Variants in KCNK2 observed in about 807,000 individuals in gnomAD.
KCNK2 encodes the protein potassium channel subfamily K member 2.
A neutral mutation model predicts 40.5 loss-of-function variants in KCNK2; 21 were observed. The observed-to-expected ratio is 0.52, with a 90% confidence interval of 0.37 to 0.75. The LOEUF is 0.75. KCNK2 is among the 30% of genes least tolerant of loss of function. KCNK2 has a pLI of 0.00. For missense variants in KCNK2, 399 were observed against 531.6 expected (o/e 0.75, Z 2.45); for synonymous variants, 191 against 202.2 (o/e 0.94, Z 0.47).
chr1:215,042,731 A>G (rs1169558332), intron 1 of KCNK2, among the ~76,000 whole-genome samples: 1 of 152,176 alleles, frequency 6.6e-6, no homozygotes, highest in Non-Finnish European at 1.5e-5. Context: ...CTCTCATTTT[A>G]TAAACCTCTT....
chr1:215,038,606 G>A (rs370897408), intron 1 of KCNK2, among the ~76,000 whole-genome samples: 28 of 152,024 alleles, frequency 1.8e-4, no homozygotes, highest in Non-Finnish European at 3.4e-4. Context: ...ATCTAATTTT[G>A]TTCCCAATGA....
intron 2 of KCNK2, among the ~76,000 whole-genome samples, chr1:215,090,058 T>A (rs1659628096): frequency 6.6e-6 from 1 of 152,080 alleles, no homozygotes; most frequent in Non-Finnish European, 1.5e-5. Context: ...ACTCCCGACC[T>A]CAGGTGATCC....
intron 5 of KCNK2, among the ~76,000 whole-genome samples, chr1:215,179,656 A>G (rs1350332875): frequency 6.6e-6 from 1 of 152,010 alleles, no homozygotes; most frequent in East Asian, 1.9e-4. Flanking sequence ...TAATTTCTGT[A>G]TAATTGTGTG....
At chr1:215,127,036 T>C (rs182434267) in intron 3 of KCNK2, among the ~76,000 whole-genome samples, 52 of 152,332 alleles carry the variant, frequency 3.4e-4, no homozygotes, top group African/African-American at 1.3e-3. Flanking sequence ...TTAATAATAT[T>C]GCTAATGATA....
chr1:215,116,007 A>G (rs1382088697), intron 2 of KCNK2, among the ~76,000 whole-genome samples: 9 of 151,710 alleles, frequency 5.9e-5, no homozygotes, highest in Non-Finnish European at 1.3e-4. Context: ...TTGAGGCTCA[A>G]AGGAAAAAGA....
intron 1 of KCNK2, among the ~76,000 whole-genome samples, chr1:215,048,997 T>C (rs1359919800): frequency 3.3e-5 from 5 of 152,202 alleles, no homozygotes; most frequent in Non-Finnish European, 4.4e-5. Flanking sequence ...CATGTAAGTT[T>C]TCATTTCCTT....
At chr1:215,073,449 G>A (rs1658825033) in intron 1 of KCNK2, among the ~76,000 whole-genome samples, 1 of 152,176 alleles carries the variant, frequency 6.6e-6, no homozygotes, top group African/African-American at 2.4e-5. Flanking sequence ...CTTGTTTGGA[G>A]GTTAGGGGAG....
At chr1:215,232,737 A>G in intron 6 of KCNK2, among the ~76,000 whole-genome samples, 1 of 152,196 alleles carries the variant, frequency 6.6e-6, no homozygotes, top group East Asian at 1.9e-4. Flanking sequence ...TTACCAAAGT[A>G]AAGTGGTGGC....
chr1:215,209,504 A>AAT (rs1181404065), intron 6 of KCNK2, among the ~76,000 whole-genome samples: 1 of 2,822 alleles, frequency 3.5e-4, no homozygotes, highest in Non-Finnish European at 6.3e-4. Context: ...TATAATATAT[A>AAT]ATATATATAA....
At chr1:215,122,881 A>C (rs972083024) in intron 2 of KCNK2, among the ~76,000 whole-genome samples, 1 of 150,910 alleles carries the variant, frequency 6.6e-6, no homozygotes, top group African/African-American at 2.4e-5. Context: ...AGTAGCTGGG[A>C]CTACAGGCGC....
chr1:215,166,978 T>G (rs1663475527), intron 3 of KCNK2, among the ~76,000 whole-genome samples: 1 of 151,880 alleles, frequency 6.6e-6, no homozygotes, highest in African/African-American at 2.4e-5. Flanking sequence ...AAAAAAAAAG[T>G]CAAAGTTCTT....
At position 215,083,106 on chromosome 1, in the gene KCNK2, G is replaced by A. The variant is rs1441493470; in HGVS notation, c.-280G>A. The A allele has an allele frequency of 1.0e-4, 51 of 496,852 alleles. No individual in the cohort carries two copies. Among genetic ancestry groups the A allele is most frequent in the Non-Finnish European group, 1.7e-4 (49 of 296,244 alleles). 30.8% of individuals were successfully genotyped at this position (496,852 alleles called of 1,614,324 possible). ...GGCAGCAGGCGCGCGCGGGGGCGGC[G>A]GCGCCCAAGCCCAACTTGGCCTCCG... is the stretch of plus-strand genomic sequence containing the variant. On this transcript the variant is annotated 5_prime_UTR_variant, in exon 1 of 7. Coordinates refer to ENST00000444842, the MANE Select transcript of KCNK2 (RefSeq NM_001017425.3).
chr1:215,227,986 T>C (rs1382736195), intron 6 of KCNK2, among the ~76,000 whole-genome samples: 4 of 151,852 alleles, frequency 2.6e-5, no homozygotes, highest in Non-Finnish European at 5.9e-5. Context: ...AGTTAAATGA[T>C]TTCACTTAGG....
At chr1:215,094,368 T>C (rs1269679204) in intron 2 of KCNK2, among the ~76,000 whole-genome samples, 1 of 152,110 alleles carries the variant, frequency 6.6e-6, no homozygotes, top group Non-Finnish European at 1.5e-5. Flanking sequence ...TGTAACCTTC[T>C]TGGATGTATA....
intron 1 of KCNK2, among the ~76,000 whole-genome samples, chr1:215,077,047 C>T (rs1283993588): frequency 6.6e-6 from 1 of 152,212 alleles, no homozygotes; most frequent in Non-Finnish European, 1.5e-5. Flanking sequence ...GCATAGTAGC[C>T]TCCAAGGCTT....
At chr1:215,149,527 G>A (rs1662591010) in intron 3 of KCNK2, among the ~76,000 whole-genome samples, 1 of 152,124 alleles carries the variant, frequency 6.6e-6, no homozygotes, top group Admixed American at 6.6e-5. Context: ...AAAGAAAAAG[G>A]TCACTAACAA....
chr1:215,195,786 C>T (rs573480618), intron 6 of KCNK2, among the ~76,000 whole-genome samples: 1 of 152,240 alleles, frequency 6.6e-6, no homozygotes, highest in East Asian at 1.9e-4. Flanking sequence ...TCCAGGATCA[C>T]TATTAGTTTG....
chr1:215,105,259 A>T (rs1179772220), intron 2 of KCNK2, among the ~76,000 whole-genome samples: 1 of 152,040 alleles, frequency 6.6e-6, no homozygotes, highest in Non-Finnish European at 1.5e-5. Context: ...CCCACTAGCA[A>T]CCAGCACTGT....
chr1:215,005,848 C>A (rs1486173271), upstream of KCNK2: 3 of 1,395,790 alleles, frequency 2.1e-6, no homozygotes, highest in Non-Finnish European at 3.1e-6. Flanking sequence ...TTGGAAATTA[C>A]GGACAAGAAA....
Sources: gnomAD v4.1 joint callset for allele counts (sites outside exome capture counted in the v4.1 genomes callset) on GRCh38, gnomAD v4.1.1 for gene constraint, MANE v1.5 for transcripts, NCBI Gene and HGNC (gene_info 2026-07-23, HGNC 2026-07-21) for gene names.